Variants in CTNNA2 observed in about 807,000 individuals in gnomAD.
CTNNA2 encodes catenin alpha 2, also known as catenin alpha-2.
In CTNNA2, 42 loss-of-function variants were observed where a neutral mutation model predicts 101.0. The observed-to-expected ratio is 0.42, with a 90% CI of 0.32 to 0.54. The LOEUF (loss-of-function observed/expected upper bound fraction) is 0.54. Ranked by LOEUF, CTNNA2 falls within the 20% of genes least tolerant of loss-of-function variation. CTNNA2 has a pLI of 0.14. For synonymous variants in CTNNA2, 450 were observed against 456.4 expected (o/e 0.99, Z 0.18); for missense variants, 871 against 1,223.1 (o/e 0.71, Z 4.29).
intron 9 of CTNNA2, among the ~76,000 whole-genome samples, chr2:80,471,203 G>A (rs944470284): frequency 3.3e-5 from 5 of 152,216 alleles, no homozygotes; most frequent in Non-Finnish European, 5.9e-5. Flanking sequence ...ACGGAAGCAG[G>A]AAGACTGAGT....
At chr2:80,159,030 A>G (rs971952544) in intron 7 of CTNNA2, among the ~76,000 whole-genome samples, 1 of 152,104 alleles carries the variant, frequency 6.6e-6, no homozygotes, top group Non-Finnish European at 1.5e-5. Context: ...CAGTTGGACC[A>G]TTCACCCATT....
chr2:79,590,007 G>A (rs1676743735), intron 1 of CTNNA2, among the ~76,000 whole-genome samples: 1 of 152,146 alleles, frequency 6.6e-6, no homozygotes, highest in African/African-American at 2.4e-5. Context: ...TTGTTACTAG[G>A]ATGTCTGAGA....
intron 9 of CTNNA2, among the ~76,000 whole-genome samples, chr2:80,435,511 G>T (rs1681947652): frequency 6.6e-6 from 1 of 152,044 alleles, no homozygotes; most frequent in African/African-American, 2.4e-5. Context: ...TTTTACTGTT[G>T]TTCAAATAGT....
At chr2:80,644,416 TTAAA>T (rs1382891585) in intron 18 of CTNNA2, among the ~76,000 whole-genome samples, 1 of 152,168 alleles carries the variant, frequency 6.6e-6, no homozygotes, top group African/African-American at 2.4e-5. Flanking sequence ...TGCAACTATG[TTAAA>T]TAAATGTTCC....
intron 2 of CTNNA2, among the ~76,000 whole-genome samples, chr2:79,268,111 C>A (rs765660432): frequency 1.7e-4 from 26 of 152,068 alleles, no homozygotes; most frequent in Non-Finnish European, 3.4e-4. Context: ...CCCCTGTAGG[C>A]AGGGGCCTGA....
At chr2:79,805,774 A>C (rs1676523554) in intron 3 of CTNNA2, among the ~76,000 whole-genome samples, 1 of 152,080 alleles carries the variant, frequency 6.6e-6, no homozygotes, top group South Asian at 2.1e-4. Context: ...CGTTTCTACT[A>C]AAAATACAAA....
chr2:80,292,046 T>C (rs1216144095), intron 7 of CTNNA2, among the ~76,000 whole-genome samples: 1 of 152,194 alleles, frequency 6.6e-6, no homozygotes, highest in African/African-American at 2.4e-5. Flanking sequence ...ATTCAGGTTT[T>C]TGAGTCTCAT....
chr2:79,791,209 G>A lies in CTNNA2; in HGVS notation c.298+46627G>A, dbSNP rs763176669. 2.0e-5 allele frequency among the ~76,000 whole-genome samples: 3 copies of A among 152,222 alleles called. No homozygotes were observed. In the South Asian group the frequency reaches 6.2e-4, roughly 32 times the overall value. Reference sequence around the variant, plus strand: ...AAGGCCATTCAAGATCTGTTCAATGGTTGTCACTGAATGTTGAGATGTTAA... The same window carrying A: ...AAGGCCATTCAAGATCTGTTCAATGATTGTCACTGAATGTTGAGATGTTAA... On this transcript the variant is annotated intron_variant, in intron 3 of 18. Coordinates refer to ENST00000402739, the MANE Select transcript of CTNNA2 (RefSeq NM_001282597.3).
At chr2:80,198,199 AAGT>A (rs753158736) in intron 7 of CTNNA2, among the ~76,000 whole-genome samples, 3 of 152,136 alleles carry the variant, frequency 2.0e-5, no homozygotes, top group Non-Finnish European at 2.9e-5. Context: ...GTTAAAATTC[AAGT>A]ATGACACCAG....
intron 14 of CTNNA2, among the ~76,000 whole-genome samples, chr2:80,585,025 G>A (rs981613542): frequency 6.6e-6 from 1 of 152,046 alleles, no homozygotes; most frequent in African/African-American, 2.4e-5. Context: ...TTAAAGTCAA[G>A]TAAGTAGAAA....
intron 8 of CTNNA2, among the ~76,000 whole-genome samples, chr2:80,416,518 A>G (rs1300820823): frequency 6.6e-6 from 1 of 152,106 alleles, no homozygotes; most frequent in African/African-American, 2.4e-5. Flanking sequence ...TTTCATAGTT[A>G]ATCATTTGCT....
chr2:79,605,007 G>C, intron 1 of CTNNA2, among the ~76,000 whole-genome samples: 1 of 152,094 alleles, frequency 6.6e-6, no homozygotes, highest in Middle Eastern at 3.2e-3. Context: ...CAAAGAAGCA[G>C]GAAATTATGA....
intron 4 of CTNNA2, among the ~76,000 whole-genome samples, chr2:79,478,585 A>G (rs748041283): frequency 3.5e-4 from 53 of 152,164 alleles, no homozygotes; most frequent in Non-Finnish European, 5.7e-4. Flanking sequence ...TACTTACCCA[A>G]TTGACACTGG....
chr2:79,633,735 T>C (rs1458351150), intron 1 of CTNNA2: 5 of 152,218 alleles, frequency 3.3e-5, no homozygotes. Flanking sequence ...CTATCTTTGG[T>C]CAGAGGAGAG....
At chr2:80,435,453 AT>A (rs1290530569) in intron 9 of CTNNA2, among the ~76,000 whole-genome samples, 1 of 152,076 alleles carries the variant, frequency 6.6e-6, no homozygotes, top group Non-Finnish European at 1.5e-5. Flanking sequence ...TAATCTCACT[AT>A]TTAAAAAGAT....
intron 7 of CTNNA2, among the ~76,000 whole-genome samples, chr2:80,056,955 A>G (rs1387937691): frequency 6.6e-6 from 1 of 152,220 alleles, no homozygotes; most frequent in Non-Finnish European, 1.5e-5. Flanking sequence ...CAATGAGCAT[A>G]GAAAAGGTTC....
intron 3 of CTNNA2, among the ~76,000 whole-genome samples, chr2:79,854,169 T>C (rs1334929591): frequency 6.6e-6 from 1 of 152,228 alleles, no homozygotes; most frequent in Non-Finnish European, 1.5e-5. Flanking sequence ...AGTACTTTTA[T>C]TGAGCATATG....
rs114402353 is a variant in CTNNA2, at chr2:79,574,403, G to T, written c.-6+61196G>T. On this transcript the variant is annotated intron_variant, in intron 1 of 18. Transcript: ENST00000402739. ...CCTCAAGTAGGCTCCTGTATCTGTTGTTCTTTTCTTTGTGTCCATGTGTAT... is the reference window on the plus strand; with the variant it reads ...CCTCAAGTAGGCTCCTGTATCTGTTTTTCTTTTCTTTGTGTCCATGTGTAT... 5.5e-3 allele frequency among the ~76,000 whole-genome samples: 843 copies of T among 152,092 alleles called. 2 individuals carry two copies. Among genetic ancestry groups the T allele is most frequent in the African/African-American group, 0.019 (792 of 41,510 alleles).
intron 2 of CTNNA2, among the ~76,000 whole-genome samples, chr2:79,677,731 A>T (rs1683279509): frequency 6.6e-6 from 1 of 152,214 alleles, no homozygotes; most frequent in Non-Finnish European, 1.5e-5. Context: ...TTCTTTCCAA[A>T]TATCTTTGCC....
Sources: gnomAD v4.1 joint callset for allele counts (sites outside exome capture counted in the v4.1 genomes callset) on GRCh38, gnomAD v4.1.1 for gene constraint, MANE v1.5 for transcripts, NCBI Gene and HGNC (gene_info 2026-07-23, HGNC 2026-07-21) for gene names.